KLHL29: variants seen among roughly 807,000 people sequenced by gnomAD.
The protein encoded by KLHL29 is kelch like family member 29, also known as kelch-like protein 29.
Under a neutral mutation model 80.4 loss-of-function variants are expected in KLHL29, and 21 were observed. That is an observed-to-expected ratio of 0.26 (90% confidence interval 0.19 to 0.38). The LOEUF is 0.38. Ranked by LOEUF, KLHL29 falls within the 10% of genes least tolerant of loss-of-function variation. The probability of loss-of-function intolerance (pLI) is 1.00; values close to 1 mark genes in which losing one functional copy is unlikely to be tolerated. For missense variants in KLHL29, 867 were observed against 1,223.9 expected (o/e 0.71, Z 4.35); for synonymous variants, 511 against 526.8 (o/e 0.97, Z 0.41).
At chr2:23,500,474 A>C (rs1665407543) in intron 2 of KLHL29, among the ~76,000 whole-genome samples, 1 of 152,182 alleles carries the variant, frequency 6.6e-6, no homozygotes, top group Non-Finnish European at 1.5e-5. Context: ...AGAAGTCAAG[A>C]CCAATGTTAG....
intron 2 of KLHL29, among the ~76,000 whole-genome samples, chr2:23,542,013 T>C (rs909757063): frequency 2.0e-5 from 3 of 152,190 alleles, no homozygotes; most frequent in African/African-American, 7.2e-5. Context: ...GGGGTTGGGC[T>C]GTGTGCTGCC....
chr2:23,404,302 G>A (rs980150685), intron 1 of KLHL29, among the ~76,000 whole-genome samples: 9 of 152,010 alleles, frequency 5.9e-5, no homozygotes, highest in African/African-American at 1.9e-4. Flanking sequence ...TTAGCAAATC[G>A]TACAAAAATT....
chr2:23,699,336 G>A (rs888492159), intron 11 of KLHL29, among the ~76,000 whole-genome samples: 5 of 152,314 alleles, frequency 3.3e-5, no homozygotes, highest in Admixed American at 1.3e-4. Flanking sequence ...CCCAGGCCTC[G>A]CATTGCGTCC....
intron 1 of KLHL29, among the ~76,000 whole-genome samples, chr2:23,455,712 A>G (rs988057134): frequency 5.3e-5 from 8 of 151,448 alleles, no homozygotes; most frequent in African/African-American, 1.2e-4. Context: ...CCCAGGTTCA[A>G]AAGATTCTCC....
At position 23,691,689 on chromosome 2, in the gene KLHL29, C is replaced by T. The variant is rs766999968; in HGVS notation, c.1095C>T (p.Ser365=). 2.6e-6 allele frequency: 4 copies of T among 1,551,538 alleles called. No homozygotes were observed. The highest frequency in any genetic ancestry group is 2.4e-5 in the East Asian group (1 of 40,936). ...KDLIQRSVQD[S]GQGGREKLEL... is the part of the protein sequence containing the mutation. ...CTGTGCCTAGGTCCGTGCAAGACAGCGGCCAGGGCGGCCGGGAGAAGCTGG... is the reference window on the plus strand; with the variant it reads ...CTGTGCCTAGGTCCGTGCAAGACAGTGGCCAGGGCGGCCGGGAGAAGCTGG... The change falls in exon 7 of 14, where the codon AGC becomes AGT. Residue 365 remains serine, a synonymous_variant. Transcript: ENST00000486442.
At chr2:23,676,203 A>T (rs1670917002) in intron 5 of KLHL29, among the ~76,000 whole-genome samples, 1 of 151,170 alleles carries the variant, frequency 6.6e-6, no homozygotes, top group Non-Finnish European at 1.5e-5. Flanking sequence ...TTTTTTTTTG[A>T]GACAGAGTCT....
chr2:23,671,416 A>C (rs1187018181), intron 5 of KLHL29, among the ~76,000 whole-genome samples: 1 of 151,984 alleles, frequency 6.6e-6, no homozygotes, highest in African/African-American at 2.4e-5. Flanking sequence ...AGCTGACCAG[A>C]TCTTGGAAAG....
At chr2:23,608,771 C>G (rs1479817174) in intron 3 of KLHL29, among the ~76,000 whole-genome samples, 1 of 152,162 alleles carries the variant, frequency 6.6e-6, no homozygotes, top group African/African-American at 2.4e-5. Flanking sequence ...TCAATACAAA[C>G]CCCAACTCAT....
intron 2 of KLHL29, among the ~76,000 whole-genome samples, chr2:23,495,720 CG>C: frequency 6.6e-6 from 1 of 152,270 alleles, no homozygotes; most frequent in East Asian, 1.9e-4. Flanking sequence ...GCCAGGGCTC[CG>C]GGGGTTGACA....
chr2:23,564,746 T>C (rs73919761), intron 3 of KLHL29, among the ~76,000 whole-genome samples: 1,953 of 152,318 alleles, frequency 0.013, 37 homozygotes, highest in African/African-American at 0.044. Context: ...GTCAACAATG[T>C]GGGTCTTTAC....
chr2:23,559,829 A>AGGAGGAGATCTGGAACCC (rs1667404601), intron 2 of KLHL29, among the ~76,000 whole-genome samples: 1 of 151,904 alleles, frequency 6.6e-6, no homozygotes, highest in Non-Finnish European at 1.5e-5. Context: ...GGAGAAGAGG[A>AGGAGGAGATCTGGAACCC]GGAGGAGATC....
At chr2:23,441,523 A>G (rs918047944) in intron 1 of KLHL29, among the ~76,000 whole-genome samples, 1 of 151,938 alleles carries the variant, frequency 6.6e-6, no homozygotes, top group Non-Finnish European at 1.5e-5. Flanking sequence ...TCAGAGAAAA[A>G]AAAAACTTAG....
At chr2:23,691,930 G>A in intron 7 of KLHL29, 54 bp downstream of exon 7, 1 of 1,506,326 alleles carries the variant, frequency 6.6e-7, no homozygotes, top group Non-Finnish European at 9.0e-7. Context: ...GATGGGCGGA[G>A]AACTCCATAA....
chr2:23,439,250 T>C (rs766874787), intron 1 of KLHL29, among the ~76,000 whole-genome samples: 3 of 152,128 alleles, frequency 2.0e-5, no homozygotes, highest in African/African-American at 4.8e-5. Context: ...GTTGATCGTT[T>C]CAAAAAACCA....
intron 2 of KLHL29, among the ~76,000 whole-genome samples, chr2:23,545,095 C>T (rs1666947506): frequency 6.6e-6 from 1 of 152,138 alleles, no homozygotes; most frequent in African/African-American, 2.4e-5. Context: ...TGACAGAGGC[C>T]CAGGCCAGGG....
intron 1 of KLHL29, among the ~76,000 whole-genome samples, chr2:23,440,798 G>A (rs1288639079): frequency 7.2e-5 from 11 of 151,780 alleles, no homozygotes; most frequent in South Asian, 2.1e-4. Context: ...CACACCAGTT[G>A]GAATGGCAAT....
intron 2 of KLHL29, among the ~76,000 whole-genome samples, chr2:23,488,091 C>A (rs1442954542): frequency 6.6e-6 from 1 of 152,226 alleles, no homozygotes; most frequent in Non-Finnish European, 1.5e-5. Flanking sequence ...CAGCTGGAAT[C>A]TTCCCATCTC....
In KLHL29 at chr2:23,691,782, C is replaced by G; in HGVS notation, c.1188C>G (p.Ser396=). 1 of 1,551,688 alleles carries G rather than the reference C, an allele frequency of 6.4e-7. No homozygotes were observed. The highest frequency in any genetic ancestry group is 8.7e-7 in the Non-Finnish European group (1 of 1,147,014). ...TGCTGGAGTTTGTCTACACGGGCTC[C>G]CTGGTCATCGACTCGGCCAACGCCA... ...ELLLEFVYTG[S]LVIDSANAKT... The change falls in exon 7 of 14, where the codon TCC becomes TCG. Residue 396 remains serine, a synonymous_variant. Transcript: ENST00000486442.
chr2:23,605,831 G>A (rs916032890), intron 3 of KLHL29, among the ~76,000 whole-genome samples: 1 of 151,128 alleles, frequency 6.6e-6, no homozygotes, highest in Non-Finnish European at 1.5e-5. Flanking sequence ...GTGCAGTGGT[G>A]TGATCTTGGC....
Sources: allele counts gnomAD v4.1 joint callset (sites outside exome capture counted in the v4.1 genomes callset), GRCh38; gene constraint gnomAD v4.1.1; transcripts MANE v1.5; gene names NCBI Gene and HGNC (gene_info 2026-07-23, HGNC 2026-07-21).